SHISA9: variants seen among roughly 807,000 people sequenced by gnomAD.
SHISA9 encodes protein shisa-9.
Under a neutral mutation model 38.0 loss-of-function variants are expected in SHISA9, and 13 were observed. That is an observed-to-expected ratio of 0.34 (90% CI 0.22 to 0.54). The LOEUF is 0.54. Ranked by LOEUF, SHISA9 falls within the 20% of genes least tolerant of loss-of-function variation. The pLI, the probability that SHISA9 is intolerant of heterozygous loss-of-function variation, is 0.91. For missense variants in SHISA9, 538 were observed against 575.8 expected (o/e 0.93, Z 0.67); for synonymous variants, 275 against 242.0 (o/e 1.14, Z -1.27).
the SHISA9 span, among the ~76,000 whole-genome samples, chr16:13,484,557 G>A: frequency 6.6e-6 from 1 of 152,186 alleles, no homozygotes; most frequent in Non-Finnish European, 1.5e-5. Context: ...GGTGAATGTT[G>A]CCTCTCTGGC....
At chr16:13,388,329 T>A in the SHISA9 span, among the ~76,000 whole-genome samples, 2 of 149,492 alleles carry the variant, frequency 1.3e-5, no homozygotes, top group South Asian at 4.3e-4. Context: ...TTTTTTTTTT[T>A]AAGACAGAGT....
chr16:13,030,000 G>A (rs1040378600), intron 2 of SHISA9, among the ~76,000 whole-genome samples: 4 of 152,230 alleles, frequency 2.6e-5, no homozygotes, highest in Non-Finnish European at 5.9e-5. Flanking sequence ...CCTACTTCAT[G>A]ATGCTGCTGT....
the SHISA9 span, among the ~76,000 whole-genome samples, chr16:13,248,455 A>C: frequency 1.3e-5 from 2 of 152,320 alleles, no homozygotes; most frequent in East Asian, 3.9e-4. Context: ...CTGCATGCAG[A>C]GAGAAACCTT....
intron 2 of SHISA9, among the ~76,000 whole-genome samples, chr16:13,091,688 T>A (rs1364468296): frequency 6.6e-6 from 1 of 152,204 alleles, no homozygotes; most frequent in Non-Finnish European, 1.5e-5. Context: ...TTTATTCTAG[T>A]TAGCCATTCG....
chr16:13,508,051 C>G, the SHISA9 span, among the ~76,000 whole-genome samples: 2 of 152,156 alleles, frequency 1.3e-5, no homozygotes, highest in African/African-American at 4.8e-5. Flanking sequence ...ATCTTTCCAT[C>G]TAGCATTTTT....
At chr16:13,007,453 TG>T (rs1182520908) in intron 2 of SHISA9, among the ~76,000 whole-genome samples, 1 of 152,180 alleles carries the variant, frequency 6.6e-6, no homozygotes, top group African/African-American at 2.4e-5. Flanking sequence ...ATTTCTTGCC[TG>T]TGGCCGCCAT....
chr16:12,950,691 C>T (rs1182904177), intron 2 of SHISA9, among the ~76,000 whole-genome samples: 1 of 151,820 alleles, frequency 6.6e-6, no homozygotes, highest in Non-Finnish European at 1.5e-5. Flanking sequence ...TCACTGCAAC[C>T]TCCACCTCCC....
At chr16:12,978,193 A>G (rs1232281288) in intron 2 of SHISA9, among the ~76,000 whole-genome samples, 1 of 152,186 alleles carries the variant, frequency 6.6e-6, no homozygotes, top group Non-Finnish European at 1.5e-5. Context: ...ACCCCTGTAT[A>G]GACCCTACCA....
the SHISA9 span, among the ~76,000 whole-genome samples, chr16:13,520,288 T>C: frequency 2.6e-5 from 4 of 152,136 alleles, no homozygotes; most frequent in Non-Finnish European, 2.9e-5. Flanking sequence ...CCATCATTGA[T>C]GGTGATTGGG....
At position 13,047,327 on chromosome 16, in the gene SHISA9, TAA is replaced by T. The variant is rs201507757; in HGVS notation, c.691+130523_691+130524del. Among the ~76,000 whole-genome samples, 3 of 143,834 alleles carry T rather than the reference TAA, an allele frequency of 2.1e-5. No individual in the cohort carries two copies. In the East Asian group the frequency reaches 6.1e-4, roughly 29 times the overall value. The allele number at this position is 143,834 out of a possible 152,430, so 94.4% of individuals were successfully genotyped here. A position where few individuals can be genotyped will look rare whatever the true frequency, so the allele number is the denominator to read the frequency against. Reference sequence around the variant, plus strand: ...TCCATTCCTCCATCAATCAGACCATTAAAAAAAAAAAAGATCAGGAAAATTCC... The same window carrying T: ...TCCATTCCTCCATCAATCAGACCATTAAAAAAAAAAGATCAGGAAAATTCC... On this transcript the variant is annotated intron_variant, in intron 2 of 4. Transcript: ENST00000558583.
rs2073227660 is a variant in SHISA9, at chr16:13,049,596, C to A, written c.691+132781C>A. On this transcript the variant is annotated intron_variant, in intron 2 of 4. Coordinates refer to ENST00000558583, the MANE Select transcript of SHISA9 (RefSeq NM_001145204.3). ...CTGGCTGCATGTGTTGTAACAAAAA[C>A]AAGAACAGCTCTTGACAGCATGATT... Among the ~76,000 whole-genome samples, 4 of 152,262 alleles carry A rather than the reference C, an allele frequency of 2.6e-5. No homozygotes were observed. The South Asian group carries it at 8.3e-4, about 32-fold the overall frequency.
intron 2 of SHISA9, among the ~76,000 whole-genome samples, chr16:13,096,215 C>T (rs1450626604): frequency 1.3e-5 from 2 of 152,102 alleles, no homozygotes; most frequent in African/African-American, 4.8e-5. Context: ...TCAGTGTAGG[C>T]CTTGTTTATA....
At chr16:13,486,601 G>A in the SHISA9 span, among the ~76,000 whole-genome samples, 1 of 152,076 alleles carries the variant, frequency 6.6e-6, no homozygotes, top group Non-Finnish European at 1.5e-5. Flanking sequence ...ATATTTTCTG[G>A]AACCATTCTT....
the SHISA9 span, among the ~76,000 whole-genome samples, chr16:13,509,227 T>A: frequency 6.6e-6 from 1 of 151,820 alleles, no homozygotes; most frequent in Non-Finnish European, 1.5e-5. Context: ...TGAATAATTA[T>A]GACAATTCCG....
the SHISA9 span, among the ~76,000 whole-genome samples, chr16:13,448,493 G>T: frequency 1.3e-5 from 2 of 152,148 alleles, no homozygotes; most frequent in Admixed American, 1.3e-4. Flanking sequence ...ACTTCTTCCT[G>T]ATGCCCAGAA....
chr16:13,339,191 G>T, the SHISA9 span, among the ~76,000 whole-genome samples: 1 of 134,660 alleles, frequency 7.4e-6, no homozygotes, highest in Non-Finnish European at 1.6e-5. Context: ...TTTGAAAATG[G>T]GACACAGTCT....
the SHISA9 span, among the ~76,000 whole-genome samples, chr16:13,328,050 G>A: frequency 7.7e-4 from 117 of 152,158 alleles, no homozygotes; most frequent in African/African-American, 2.7e-3. Context: ...CAAGAAATCT[G>A]TTTTTGAAAT....
the SHISA9 span, among the ~76,000 whole-genome samples, chr16:13,253,860 T>C: frequency 1.3e-5 from 2 of 152,188 alleles, no homozygotes; most frequent in African/African-American, 2.4e-5. Flanking sequence ...TATTTTAACA[T>C]TCACCAAGAT....
At chr16:13,380,340 G>A in the SHISA9 span, among the ~76,000 whole-genome samples, 1 of 152,038 alleles carries the variant, frequency 6.6e-6, no homozygotes, top group South Asian at 2.1e-4. Flanking sequence ...CATTTTAAAA[G>A]AAGGGGGGAA....
Sources: allele counts gnomAD v4.1 joint callset (sites outside exome capture counted in the v4.1 genomes callset), GRCh38; gene constraint gnomAD v4.1.1; transcripts MANE v1.5; gene names NCBI Gene and HGNC (gene_info 2026-07-23, HGNC 2026-07-21).